Variants in GANC observed in about 807,000 individuals in gnomAD.
GANC encodes neutral alpha-glucosidase C.
Under a neutral mutation model 124.2 loss-of-function variants are expected in GANC, and 117 were observed. The observed-to-expected ratio is 0.94, with a 90% CI of 0.81 to 1.10. The LOEUF (loss-of-function observed/expected upper bound fraction) is 1.10, where lower values mean the gene tolerates loss of function less well. Among genes scored for constraint, GANC ranks in the 50% least tolerant of loss-of-function variants. GANC has a pLI of 0.00. For missense variants in GANC, 1,140 were observed against 1,095.0 expected (o/e 1.04, Z -0.58); for synonymous variants, 377 against 376.8 (o/e 1.00, Z -0.01).
chr15:42,324,880 C>T (rs8038153), intron 11 of GANC, among the ~76,000 whole-genome samples: 13,088 of 152,120 alleles, frequency 0.086, 648 homozygotes, highest in South Asian at 0.18. Flanking sequence ...GACTACACAA[C>T]ATTATGACTG....
chr15:42,283,956 T>C (rs774928246), intron 3 of GANC: 2 of 702,600 alleles, frequency 2.8e-6, no homozygotes, highest in South Asian at 3.0e-5. Context: ...ATAAACCAAC[T>C]GGCTGCAACT....
intron 8 of GANC, 70 bp from the exon 9 acceptor site, chr15:42,310,213 A>C: frequency 1.8e-5 from 21 of 1,160,862 alleles, no homozygotes; most frequent in Non-Finnish European, 2.4e-5. Context: ...AGAGAAGAGT[A>C]GAGCTGTTCT....
chr15:42,275,168 G>C (rs2051652493), intron 1 of GANC, among the ~76,000 whole-genome samples: 1 of 152,096 alleles, frequency 6.6e-6, no homozygotes, highest in Non-Finnish European at 1.5e-5. Flanking sequence ...TTGAACCCAG[G>C]AGTTCAGACC....
intron 6 of GANC, among the ~76,000 whole-genome samples, chr15:42,304,270 G>A (rs779174152): frequency 5.3e-5 from 8 of 152,160 alleles, no homozygotes; most frequent in African/African-American, 9.7e-5. Flanking sequence ...GGTAAATGAC[G>A]AAATGAAGGC....
Position 42,292,860 on chromosome 15 carries a change from G to T in GANC, c.455G>T (p.Ser152Ile). ...GTGTCTGAAGAAGAGGTTGTGATTA[G>T]CATAAATTCCCTGGGCCAATTATAC... ...DLVSEEEVVISINSLGQLYFE... is the reference protein window; with the variant it reads ...DLVSEEEVVIIINSLGQLYFE... Residue 152 changes from serine (S) to isoleucine (I), a missense_variant, in exon 5 of 24, where the codon AGC becomes ATC. Coordinates refer to ENST00000318010, the MANE Select transcript of GANC (RefSeq NM_198141.3). The T allele has an allele frequency of 1.2e-6, 2 of 1,614,110 alleles. No individual in the cohort carries two copies. Among genetic ancestry groups the T allele is most frequent in the Non-Finnish European group, 1.7e-6 (2 of 1,179,984 alleles).
intron 22 of GANC, 134 bp downstream of exon 22, chr15:42,349,629 AT>A (rs1172037743): frequency 4.8e-6 from 3 of 630,680 alleles, no homozygotes; most frequent in East Asian, 2.8e-5. Flanking sequence ...TTTCCGGAAT[AT>A]TTTTTTCTTT....
chr15:42,273,548 G>A lies in GANC; in HGVS notation c.-934G>A. ...GTGCGGCGTAGCGGCCCCTCTCTCAGACAGTCGTCTGTGCGCCGTGAGACT... is the reference window on the plus strand; with the variant it reads ...GTGCGGCGTAGCGGCCCCTCTCTCAAACAGTCGTCTGTGCGCCGTGAGACT... On this transcript the variant is annotated 5_prime_UTR_variant, in exon 1 of 24. Coordinates refer to ENST00000318010, the MANE Select transcript of GANC (RefSeq NM_198141.3). 2.9e-6 allele frequency: 4 copies of A among 1,358,850 alleles called. No homozygotes were observed. Among genetic ancestry groups the A allele is most frequent in the Non-Finnish European group, 3.9e-6 (4 of 1,016,718 alleles). 84.2% of individuals were successfully genotyped at this position (1,358,850 alleles called of 1,614,324 possible). A position where few individuals can be genotyped will look rare whatever the true frequency, so the allele number is the denominator to read the frequency against.
rs113066307 is a variant in GANC, at chr15:42,308,047, A to G, written c.626-175A>G. Among the ~76,000 whole-genome samples the G allele has an allele frequency of 8.1e-3, 1,231 of 152,322 alleles. 9 individuals carry two copies. The highest frequency in any genetic ancestry group is 0.037 in the Middle Eastern group (11 of 294). On this transcript the variant is annotated intron_variant, in intron 7 of 23. Transcript: ENST00000318010. Reference sequence around the variant, plus strand: ...GCCTTACACATTTTTGTATCCCCACAACACCTGAATATAATATCTCACAGA... The same window carrying G: ...GCCTTACACATTTTTGTATCCCCACGACACCTGAATATAATATCTCACAGA...
At chr15:42,333,518 C>T (rs1032552591) in intron 15 of GANC, among the ~76,000 whole-genome samples, 1 of 152,160 alleles carries the variant, frequency 6.6e-6, no homozygotes, top group South Asian at 2.1e-4. Context: ...TCTCTCATCA[C>T]AAACTCTTAG....
chr15:42,352,951 A>G lies in GANC; in HGVS notation c.*812A>G. 1 of 557,584 alleles carries G rather than the reference A, an allele frequency of 1.8e-6. No homozygotes were observed. The highest frequency in any genetic ancestry group is 2.3e-6 in the Non-Finnish European group (1 of 440,256). 34.5% of individuals were successfully genotyped at this position (557,584 alleles called of 1,614,324 possible). A position where few individuals can be genotyped will look rare whatever the true frequency, so the allele number is the denominator to read the frequency against. On this transcript the variant is annotated 3_prime_UTR_variant, in exon 24 of 24. Coordinates refer to ENST00000318010, the MANE Select transcript of GANC (RefSeq NM_198141.3). ...TGGCCTTGGGCACAAAATGTAAGGG[A>G]TGCCAAAAAAATACAGTAATCAAAG...
At position 42,300,914 on chromosome 15, in the gene GANC, A is replaced by G. The variant is rs139019120; in HGVS notation, c.558+3258A>G. On this transcript the variant is annotated intron_variant, in intron 6 of 23. Transcript: ENST00000318010. Reference sequence around the variant, plus strand: ...ATGCCTGTAATCCCAGCTACTAGGGAGGCTGAAGCAGGAGAATCACATGAA... The same window carrying G: ...ATGCCTGTAATCCCAGCTACTAGGGGGGCTGAAGCAGGAGAATCACATGAA... Among the ~76,000 whole-genome samples the G allele has an allele frequency of 1.1e-4, 16 of 152,016 alleles. No individual in the cohort carries two copies. The East Asian group carries it at 3.1e-3, about 30-fold the overall frequency.
At chr15:42,285,736 A>G (rs945650421) in intron 3 of GANC, among the ~76,000 whole-genome samples, 3 of 152,230 alleles carry the variant, frequency 2.0e-5, no homozygotes, top group African/African-American at 4.8e-5. Context: ...CGGAGGTTGC[A>G]GTGAGCCAAG....
intron 11 of GANC, 31 bp from the exon 12 acceptor site, chr15:42,326,267 A>T (rs757323606): frequency 3.3e-6 from 5 of 1,500,204 alleles, no homozygotes; most frequent in Non-Finnish European, 4.6e-6. Flanking sequence ...CATAAAACTG[A>T]TGAGACCTCC....
chr15:42,321,954 C>T lies in GANC; in HGVS notation c.1227C>T (p.Thr409=), dbSNP rs781459010. The change falls in exon 11 of 24, where the codon ACC becomes ACT. Residue 409 remains threonine (T), a synonymous_variant. Transcript: ENST00000318010. ...ACACTGAGGGCAAGAGGTACTTCAC[C>T]TGGGACAAAAACAGATTCCCAAACC... The part of the protein sequence containing the change: ...IEHTEGKRYF[T]WDKNRFPNPK... 13 of 1,614,014 alleles carry T rather than the reference C, an allele frequency of 8.1e-6. No homozygotes were observed. The highest frequency in any genetic ancestry group is 1.6e-4 in the Middle Eastern group (1 of 6,084).
Position 42,352,619 on chromosome 15 carries a change from A to G in GANC, c.*480A>G, listed in dbSNP as rs2052460903. 1 of 997,944 alleles carries G rather than the reference A, an allele frequency of 1.0e-6. No homozygotes were observed. Among genetic ancestry groups the G allele is most frequent in the South Asian group, 4.4e-5 (1 of 22,574 alleles). The allele number at this position is 997,944 out of a possible 1,614,324, so 61.8% of individuals were successfully genotyped here. A position where few individuals can be genotyped will look rare whatever the true frequency, so the allele number is the denominator to read the frequency against. On this transcript the variant is annotated 3_prime_UTR_variant, in exon 24 of 24. Coordinates refer to ENST00000318010, the MANE Select transcript of GANC (RefSeq NM_198141.3). Reference sequence around the variant, plus strand: ...TATCTTCCACCCACATGGACTGGGCAGAGCAGCCCTCTTCTGTGTGCACTG... The same window carrying G: ...TATCTTCCACCCACATGGACTGGGCGGAGCAGCCCTCTTCTGTGTGCACTG...
rs2052043292 is a variant in GANC, at chr15:42,310,760, G to A, written c.971G>A (p.Trp324Ter). 6.2e-7 allele frequency: 1 copy of A among 1,614,164 alleles called. No homozygotes were observed. The highest frequency in any genetic ancestry group is 8.5e-7 in the Non-Finnish European group (1 of 1,180,004). ...GTCAGATCTCGCACTCATGTGCACT[G>A]GATGTCAGAGAGTGGCATCATTGAT... ...QKVRSRTHVH[W>*]MSESGIIDVF... is the part of the protein sequence containing the mutation. The change falls in exon 10 of 24, where the codon TGG becomes TAG. Residue 324 changes from tryptophan (W) to a stop codon, truncating the protein, a stop_gained. Coordinates refer to ENST00000318010, the MANE Select transcript of GANC (RefSeq NM_198141.3). LOFTEE classifies it high-confidence loss of function.
intron 3 of GANC, among the ~76,000 whole-genome samples, chr15:42,281,594 A>G (rs1268665121): frequency 6.6e-6 from 1 of 152,174 alleles, no homozygotes; most frequent in Non-Finnish European, 1.5e-5. Flanking sequence ...CTGAGACATG[A>G]GAATCACTTG....
chr15:42,285,081 A>G (rs903950168), intron 3 of GANC, among the ~76,000 whole-genome samples: 3 of 152,262 alleles, frequency 2.0e-5, no homozygotes, highest in African/African-American at 7.2e-5. Context: ...ATTTATAAAT[A>G]TCCAGCAGGT....
chr15:42,276,340 T>A lies in GANC; in HGVS notation c.30-8T>A. The A allele has an allele frequency of 7.6e-7, 1 of 1,318,604 alleles. No homozygotes were observed. Among genetic ancestry groups the A allele is most frequent in the Non-Finnish European group, 1.1e-6 (1 of 916,206 alleles). 81.7% of individuals were successfully genotyped at this position (1,318,604 alleles called of 1,614,324 possible). Reference sequence around the variant, plus strand: ...GAAATAAATTTCTCAAAATGTCTTTTTATTTAGTCTTGAAGATGAAGCTGT... The same window carrying A: ...GAAATAAATTTCTCAAAATGTCTTTATATTTAGTCTTGAAGATGAAGCTGT... On this transcript the variant is annotated splice_polypyrimidine_tract_variant and splice_region_variant and intron_variant, in intron 1 of 23. Coordinates refer to ENST00000318010, the MANE Select transcript of GANC (RefSeq NM_198141.3).
Sources: allele counts gnomAD v4.1 joint callset (sites outside exome capture counted in the v4.1 genomes callset), GRCh38; gene constraint gnomAD v4.1.1; transcripts MANE v1.5; gene names NCBI Gene and HGNC (gene_info 2026-07-23, HGNC 2026-07-21).